Variants in KIF25 observed in about 807,000 individuals in gnomAD.
The protein encoded by KIF25 is kinesin-like protein KIF25.
A neutral mutation model predicts 32.9 loss-of-function variants in KIF25; 19 were observed. The observed-to-expected ratio is 0.58, with a 90% CI of 0.40 to 0.85. KIF25 has a LOEUF of 0.85. Among genes scored for constraint, KIF25 ranks in the 40% least tolerant of loss-of-function variants. The pLI, the probability that KIF25 is intolerant of heterozygous loss-of-function variation, is 0.00. For synonymous variants in KIF25, 225 were observed against 213.7 expected, an observed-to-expected ratio of 1.05 and a Z score of -0.46; for missense variants, 485 against 507.0, an observed-to-expected ratio of 0.96 and a Z score of 0.42.
chr6:168,042,202 G>T, intron 11 of KIF25, 51 bp downstream of exon 11: 1 of 1,506,804 alleles, frequency 6.6e-7, no homozygotes, highest in South Asian at 1.2e-5. Context: ...AGAAGCCTAT[G>T]ATCTGATGGA....
intron 3 of KIF25, among the ~76,000 whole-genome samples, chr6:168,002,963 T>C (rs1247069506): frequency 6.6e-6 from 1 of 152,218 alleles, no homozygotes; most frequent in Non-Finnish European, 1.5e-5. Context: ...GAGAATCTAA[T>C]GCTGCTGCTG....
At chr6:168,033,164 A>G (rs762318414) in intron 7 of KIF25, among the ~76,000 whole-genome samples, 2 of 152,180 alleles carry the variant, frequency 1.3e-5, no homozygotes, top group Non-Finnish European at 2.9e-5. Flanking sequence ...GTGGACATGA[A>G]CACCTCAAAG....
chr6:168,037,187 C>G (rs1583144273), intron 8 of KIF25, among the ~76,000 whole-genome samples: 1 of 152,368 alleles, frequency 6.6e-6, no homozygotes, highest in Admixed American at 6.5e-5. Context: ...GAATCCAAAT[C>G]TTGATGCTTT....
intron 4 of KIF25, among the ~76,000 whole-genome samples, chr6:168,013,545 G>T (rs185737507): frequency 6.6e-6 from 1 of 152,098 alleles, no homozygotes; most frequent in Non-Finnish European, 1.5e-5. Context: ...AGGGATGGCT[G>T]GGGGGTGAGC....
intron 4 of KIF25, among the ~76,000 whole-genome samples, chr6:168,004,688 G>A (rs1440147552): frequency 6.6e-6 from 1 of 152,118 alleles, no homozygotes; most frequent in Non-Finnish European, 1.5e-5. Context: ...GAGGGTTCAG[G>A]GTTGCCTCAA....
intron 8 of KIF25, among the ~76,000 whole-genome samples, chr6:168,036,407 G>A (rs1455690664): frequency 6.6e-6 from 1 of 151,722 alleles, no homozygotes; most frequent in Non-Finnish European, 1.5e-5. Flanking sequence ...GCCTGGCCCC[G>A]CCCCTCCCCG....
chr6:168,019,542 A>C (rs1048577372), intron 5 of KIF25, among the ~76,000 whole-genome samples: 1 of 152,202 alleles, frequency 6.6e-6, no homozygotes, highest in South Asian at 2.1e-4. Context: ...CCGCAGCAAC[A>C]GAAATGACCA....
intron 4 of KIF25, among the ~76,000 whole-genome samples, chr6:168,015,225 G>A (rs1258368194): frequency 6.6e-6 from 1 of 152,134 alleles, no homozygotes; most frequent in East Asian, 1.9e-4. Flanking sequence ...GCTGTTTTGT[G>A]TCTGCCTCTG....
intron 5 of KIF25, among the ~76,000 whole-genome samples, chr6:168,022,848 G>A (rs1352647091): frequency 6.6e-6 from 1 of 150,672 alleles, no homozygotes; most frequent in Non-Finnish European, 1.5e-5. Flanking sequence ...GCAAGGGCCT[G>A]GGGTTTCACA....
At chr6:168,035,031 T>A (rs1425023969) in intron 8 of KIF25, among the ~76,000 whole-genome samples, 1 of 150,982 alleles carries the variant, frequency 6.6e-6, no homozygotes, top group Non-Finnish European at 1.5e-5. Flanking sequence ...ACTCTTTAAG[T>A]TCCAGAAACA....
At chr6:168,005,081 GTGTGCA>G (rs1798560742) in intron 4 of KIF25, among the ~76,000 whole-genome samples, 2 of 152,152 alleles carry the variant, frequency 1.3e-5, no homozygotes, top group Non-Finnish European at 2.9e-5. Flanking sequence ...TTGGAGCCTG[GTGTGCA>G]CGAGCCACCT....
chr6:168,036,413 C>T (rs553800533), intron 8 of KIF25, among the ~76,000 whole-genome samples: 1 of 151,960 alleles, frequency 6.6e-6, no homozygotes, highest in Admixed American at 6.5e-5. Flanking sequence ...CCCCGCCCCT[C>T]CCCGCCCCAG....
chr6:168,007,583 C>T (rs1430782584), intron 4 of KIF25, among the ~76,000 whole-genome samples: 1 of 152,160 alleles, frequency 6.6e-6, no homozygotes, highest in Admixed American at 6.6e-5. Flanking sequence ...AAGGTGAACT[C>T]CAGGACACAC....
intron 12 of KIF25, among the ~76,000 whole-genome samples, chr6:168,042,977 G>A (rs575661137): frequency 2.0e-5 from 3 of 152,308 alleles, no homozygotes; most frequent in Non-Finnish European, 4.4e-5. Context: ...GGCAGCCCTG[G>A]CCTTTCTCTT....
chr6:168,001,262 A>T (rs940097103), intron 2 of KIF25, among the ~76,000 whole-genome samples: 10 of 152,352 alleles, frequency 6.6e-5, no homozygotes, highest in African/African-American at 1.9e-4. Context: ...AAGATAATCC[A>T]GTGGGCATTT....
Position 168,038,715 on chromosome 6 carries a change from G to C in KIF25, c.480G>C (p.Ala160=). 2 of 1,613,522 alleles carry C rather than the reference G, an allele frequency of 1.2e-6. No individual in the cohort carries two copies. The highest frequency in any genetic ancestry group is 1.7e-6 in the Non-Finnish European group (2 of 1,179,934). Reference sequence around the variant, plus strand: ...CCAAGGATGGACGGACAGAGGTTGCGCTGCTGGCCTCTGAGTGAGTACTGC... The same window carrying C: ...CCAAGGATGGACGGACAGAGGTTGCCCTGCTGGCCTCTGAGTGAGTACTGC... The part of the protein sequence containing the change: ...VTAKDGRTEV[A]LLASEAVGSA... The change falls in exon 9 of 13, where the codon GCG becomes GCC. Residue 160 remains alanine, a synonymous_variant. Transcript: ENST00000643607.
At chr6:168,024,423 CTTTTTTTTTT>C (rs56243912) in intron 5 of KIF25, among the ~76,000 whole-genome samples, 32 of 61,992 alleles carry the variant, frequency 5.2e-4, no homozygotes, top group African/African-American at 2.0e-3. Flanking sequence ...AAACCTCTCT[CTTTTTTTTTT>C]TTTTTTTTTT....
intron 4 of KIF25, among the ~76,000 whole-genome samples, chr6:168,004,632 A>G (rs1798553186): frequency 6.6e-6 from 1 of 152,204 alleles, no homozygotes; most frequent in African/African-American, 2.4e-5. Flanking sequence ...TGGTGACTCT[A>G]GGCCCTCAGA....
At chr6:168,035,477 G>A (rs969011591) in intron 8 of KIF25, among the ~76,000 whole-genome samples, 1 of 145,618 alleles carries the variant, frequency 6.9e-6, no homozygotes, top group African/African-American at 2.5e-5. Flanking sequence ...GGGCGGGAAC[G>A]GTGCTGAGGT....
Sources: allele counts gnomAD v4.1 joint callset (sites outside exome capture counted in the v4.1 genomes callset), GRCh38; gene constraint gnomAD v4.1.1; transcripts MANE v1.5; gene names NCBI Gene and HGNC (gene_info 2026-07-23, HGNC 2026-07-21).